Variants in CHN1 observed in about 807,000 individuals in gnomAD.
CHN1 encodes the protein N-chimaerin.
In CHN1, 37 loss-of-function variants were observed where a neutral mutation model predicts 59.5. The observed-to-expected ratio is 0.62, with a 90% CI of 0.48 to 0.82. The LOEUF (loss-of-function observed/expected upper bound fraction) is 0.82, where lower values mean the gene tolerates loss of function less well. Ranked by LOEUF, CHN1 falls within the 40% of genes least tolerant of loss-of-function variation. CHN1 has a pLI of 0.00. For missense variants in CHN1, 469 were observed against 571.0 expected (o/e 0.82, Z 1.82); for synonymous variants, 206 against 200.4 (o/e 1.03, Z -0.24).
chr2:174,844,788 T>C (rs1450891092), intron 7 of CHN1, among the ~76,000 whole-genome samples: 1 of 152,166 alleles, frequency 6.6e-6, no homozygotes, highest in African/African-American at 2.4e-5. Context: ...GTAACTTCAA[T>C]GGAAAGAGTC....
At chr2:174,865,137 A>T (rs1248906179) in intron 6 of CHN1, among the ~76,000 whole-genome samples, 1 of 152,202 alleles carries the variant, frequency 6.6e-6, no homozygotes, top group African/African-American at 2.4e-5. Flanking sequence ...AGGTTTTCTT[A>T]TTCAATGAAT....
chr2:174,914,703 C>T (rs1474051186), intron 5 of CHN1, among the ~76,000 whole-genome samples: 11 of 150,528 alleles, frequency 7.3e-5, no homozygotes, highest in Middle Eastern at 6.8e-3. Context: ...ATTAGCTGGG[C>T]GTAGTGGCAC....
intron 7 of CHN1, among the ~76,000 whole-genome samples, chr2:174,836,589 C>A (rs971478943): frequency 6.6e-6 from 1 of 152,208 alleles, no homozygotes; most frequent in Non-Finnish European, 1.5e-5. Flanking sequence ...GTAGGCTGTT[C>A]ACTAAGATCT....
chr2:174,842,585 T>C (rs1277418718), intron 7 of CHN1, among the ~76,000 whole-genome samples: 1 of 152,200 alleles, frequency 6.6e-6, no homozygotes, highest in Non-Finnish European at 1.5e-5. Flanking sequence ...ATTAATTTTA[T>C]TATAAATGTG....
intron 3 of CHN1, among the ~76,000 whole-genome samples, chr2:174,923,529 A>T (rs1689078435): frequency 1.3e-5 from 2 of 152,160 alleles, no homozygotes; most frequent in South Asian, 4.1e-4. Flanking sequence ...TTGAGAAGAG[A>T]TCACGACCTT....
At chr2:174,878,672 A>G (rs1018555357) in intron 5 of CHN1, among the ~76,000 whole-genome samples, 4 of 152,278 alleles carry the variant, frequency 2.6e-5, no homozygotes, top group Non-Finnish European at 4.4e-5. Context: ...AGGATGGCAC[A>G]GAAACACACT....
chr2:174,897,609 G>C (rs1175192186), intron 5 of CHN1, among the ~76,000 whole-genome samples: 2 of 151,838 alleles, frequency 1.3e-5, no homozygotes, highest in African/African-American at 4.8e-5. Flanking sequence ...ACAGTGTAGA[G>C]TTTCATCAGC....
At chr2:174,846,356 G>A in intron 7 of CHN1, 2 of 1,549,360 alleles carry the variant, frequency 1.3e-6, no homozygotes, top group Non-Finnish European at 8.7e-7. Flanking sequence ...GAAGCTGCTA[G>A]TGTCAGCAGC....
chr2:174,983,399 TCTTAAAAAGTG>T (rs1361516056), intron 1 of CHN1, among the ~76,000 whole-genome samples: 1 of 152,008 alleles, frequency 6.6e-6, no homozygotes, highest in African/African-American at 2.4e-5. Flanking sequence ...GTGATAATTA[TCTTAAAAAGTG>T]CTTGCCATGG....
chr2:174,901,280 T>G (rs145717901), intron 5 of CHN1, among the ~76,000 whole-genome samples: 7 of 152,318 alleles, frequency 4.6e-5, no homozygotes, highest in African/African-American at 1.4e-4. Context: ...AGTTCAGAGA[T>G]GTGCACTGCA....
chr2:174,878,719 T>C (rs531293238), intron 5 of CHN1, among the ~76,000 whole-genome samples: 15 of 152,358 alleles, frequency 9.8e-5, no homozygotes, highest in African/African-American at 3.6e-4. Context: ...GACTTATTCT[T>C]TCGTTTTTAA....
At chr2:174,850,532 A>G (rs1031227236) in intron 6 of CHN1, among the ~76,000 whole-genome samples, 4 of 152,200 alleles carry the variant, frequency 2.6e-5, no homozygotes, top group African/African-American at 9.6e-5. Context: ...TGACATACAA[A>G]AAAGATTATC....
At chr2:174,844,724 C>G (rs898312035) in intron 7 of CHN1, among the ~76,000 whole-genome samples, 1 of 152,106 alleles carries the variant, frequency 6.6e-6, no homozygotes, top group Non-Finnish European at 1.5e-5. Flanking sequence ...TGACTTTCCT[C>G]CTTTCTTATT....
At chr2:174,964,447 G>T (rs988918095) in intron 1 of CHN1, among the ~76,000 whole-genome samples, 1 of 152,174 alleles carries the variant, frequency 6.6e-6, no homozygotes, top group African/African-American at 2.4e-5. Context: ...TCTGTAAGAT[G>T]AAGAAAACAT....
Position 174,988,741 on chromosome 2 carries a change from T to C in CHN1, c.19+16153A>G, listed in dbSNP as rs963695894. Reference sequence around the variant, plus strand: ...GTGTTAATAAATACAGTATGAAATATACCAGTTCATCTCAGCTTAATATCT... The same window carrying C: ...GTGTTAATAAATACAGTATGAAATACACCAGTTCATCTCAGCTTAATATCT... On this transcript the variant is annotated intron_variant, in intron 1 of 12. Transcript: ENST00000409900. Among the ~76,000 whole-genome samples, 9 of 152,224 alleles carry C rather than the reference T, an allele frequency of 5.9e-5. No individual in the cohort carries two copies. In the South Asian group the frequency reaches 1.7e-3, roughly 28 times the overall value.
At chr2:174,802,325 A>T (rs967148724) in intron 11 of CHN1, among the ~76,000 whole-genome samples, 4 of 152,242 alleles carry the variant, frequency 2.6e-5, no homozygotes, top group Non-Finnish European at 5.9e-5. Context: ...TTTTTAAACC[A>T]AAACATGTAC....
At chr2:174,868,120 T>G (rs1687286726) in intron 6 of CHN1, among the ~76,000 whole-genome samples, 1 of 152,232 alleles carries the variant, frequency 6.6e-6, no homozygotes, top group African/African-American at 2.4e-5. Flanking sequence ...ATGAAGAGCT[T>G]GTATTTCTTT....
Position 174,799,422 on chromosome 2 carries a change from A to G in CHN1, c.*694T>C, listed in dbSNP as rs1396422305. 1 of 449,986 alleles carries G rather than the reference A, an allele frequency of 2.2e-6. No homozygotes were observed. The highest frequency in any genetic ancestry group is 2.0e-5 in the African/African-American group (1 of 49,278). 27.9% of individuals were successfully genotyped at this position (449,986 alleles called of 1,614,324 possible). A position where few individuals can be genotyped will look rare whatever the true frequency, so the allele number is the denominator to read the frequency against. ...TTTTATTTCTAAAAGCCAATTTAAT[A>G]AATTAATAAACGCATGCCAGAAAAA... On this transcript the variant is annotated 3_prime_UTR_variant, in exon 13 of 13. Coordinates refer to ENST00000409900, the MANE Select transcript of CHN1 (RefSeq NM_001822.7).
At chr2:174,810,043 A>T (rs572442700) in intron 10 of CHN1, among the ~76,000 whole-genome samples, 59 of 152,338 alleles carry the variant, frequency 3.9e-4, no homozygotes, top group African/African-American at 1.3e-3. Context: ...TCATTCCAGC[A>T]TCCTATGGAT....
Sources: gnomAD v4.1 joint callset for allele counts (sites outside exome capture counted in the v4.1 genomes callset) on GRCh38, gnomAD v4.1.1 for gene constraint, MANE v1.5 for transcripts, NCBI Gene and HGNC (gene_info 2026-07-23, HGNC 2026-07-21) for gene names.